Variants in PPFIA2 observed in about 807,000 individuals in gnomAD.
PPFIA2 encodes liprin-alpha-2.
A neutral mutation model predicts 175.5 loss-of-function variants in PPFIA2; 46 were observed. That is an observed-to-expected ratio of 0.26 (90% CI 0.21 to 0.34). PPFIA2 has a LOEUF of 0.34. PPFIA2 is among the 10% of genes least tolerant of loss of function. The pLI, the probability that PPFIA2 is intolerant of heterozygous loss-of-function variation, is 1.00. For synonymous variants in PPFIA2, 568 were observed against 511.4 expected (o/e 1.11, Z -1.49); for missense variants, 1,179 against 1,506.1 (o/e 0.78, Z 3.60).
chr12:81,414,253 G>A (rs7973079), intron 7 of PPFIA2, among the ~76,000 whole-genome samples: 1 of 151,612 alleles, frequency 6.6e-6, no homozygotes, highest in African/African-American at 2.4e-5. Context: ...ATTTATCAAG[G>A]TCAGGACTAC....
At chr12:81,720,588 G>A (rs1320725792) in intron 3 of PPFIA2, among the ~76,000 whole-genome samples, 1 of 151,344 alleles carries the variant, frequency 6.6e-6, no homozygotes, top group Non-Finnish European at 1.5e-5. Context: ...TTCTAGCCAA[G>A]GTATGGCCCT....
In PPFIA2 at chr12:81,605,650, G is replaced by GCTATCTATCTATCTAT. The variant is rs10595723; in HGVS notation, c.303+71125_303+71140dup. On this transcript the variant is annotated intron_variant, in intron 4 of 32. Transcript: ENST00000549396. ...GTCTGTCTATCCATCCATCCATCCA[G>GCTATCTATCTATCTAT]CTATCTATCTATCTATCTATCTATC... Among the ~76,000 whole-genome samples, 61 of 143,898 alleles carry GCTATCTATCTATCTAT rather than the reference G, an allele frequency of 4.2e-4. 1 individual carries two copies. Among genetic ancestry groups the GCTATCTATCTATCTAT allele is most frequent in the South Asian group, 2.9e-3 (13 of 4,476 alleles). The allele number at this position is 143,898 out of a possible 152,430, so 94.4% of individuals were successfully genotyped here. A position where few individuals can be genotyped will look rare whatever the true frequency, so the allele number is the denominator to read the frequency against.
intron 5 of PPFIA2, among the ~76,000 whole-genome samples, chr12:81,450,223 C>T (rs957595643): frequency 6.6e-6 from 1 of 152,170 alleles, no homozygotes; most frequent in African/African-American, 2.4e-5. Context: ...ACACTGTCTT[C>T]CACAACGGTT....
rs528861660 is a variant in PPFIA2, at chr12:81,659,445, C to T, written c.303+17346G>A. The stretch of plus-strand genomic sequence containing the variant: ...CTCGAAGGGTTCTACGCCCATGGAG[C>T]CTTGCTCATTGCTAGCACAGCAGTC... On this transcript the variant is annotated intron_variant, in intron 4 of 32. Coordinates refer to ENST00000549396, the MANE Select transcript of PPFIA2 (RefSeq NM_003625.5). Among the ~76,000 whole-genome samples the T allele has an allele frequency of 9.2e-5, 14 of 152,286 alleles. No homozygotes were observed. In the South Asian group the frequency reaches 2.3e-3, roughly 25 times the overall value.
chr12:81,428,428 CTTTG>C (rs1281594590), intron 7 of PPFIA2, among the ~76,000 whole-genome samples: 1 of 151,860 alleles, frequency 6.6e-6, no homozygotes, highest in Non-Finnish European at 1.5e-5. Flanking sequence ...TACCTATCTT[CTTTG>C]TTGGATTTTA....
chr12:81,660,935 T>C (rs1345488973), intron 4 of PPFIA2, among the ~76,000 whole-genome samples: 3 of 152,090 alleles, frequency 2.0e-5, no homozygotes, highest in Non-Finnish European at 4.4e-5. Flanking sequence ...GAATTTCATA[T>C]CCAGCCAAAC....
chr12:81,523,045 G>A (rs949875746), intron 4 of PPFIA2, among the ~76,000 whole-genome samples: 9 of 152,174 alleles, frequency 5.9e-5, no homozygotes, highest in Non-Finnish European at 5.9e-5. Context: ...GATTACATGA[G>A]ATTGTTTTTT....
At chr12:81,567,533 A>T (rs572435119) in intron 4 of PPFIA2, among the ~76,000 whole-genome samples, 1 of 152,156 alleles carries the variant, frequency 6.6e-6, no homozygotes, top group African/African-American at 2.4e-5. Flanking sequence ...ATTTGACTAA[A>T]CTCCTGACTC....
chr12:81,349,208 T>C (rs1218272253), intron 17 of PPFIA2, among the ~76,000 whole-genome samples: 2 of 152,212 alleles, frequency 1.3e-5, no homozygotes, highest in Non-Finnish European at 2.9e-5. Flanking sequence ...AGTATGTGTT[T>C]GCTGGCCAGG....
At chr12:81,745,813 A>G (rs2082968961) in intron 3 of PPFIA2, among the ~76,000 whole-genome samples, 1 of 152,152 alleles carries the variant, frequency 6.6e-6, no homozygotes, top group Admixed American at 6.5e-5. Flanking sequence ...TAGACTCTAT[A>G]TCCTTTACTC....
At chr12:81,499,353 T>C (rs1186633621) in intron 4 of PPFIA2, among the ~76,000 whole-genome samples, 1 of 152,202 alleles carries the variant, frequency 6.6e-6, no homozygotes, top group Admixed American at 6.5e-5. Context: ...TCTTATTATC[T>C]CTTTCATTTT....
rs34030284 is a variant in PPFIA2 at position 81,497,530 on chromosome 12, C to CTT, written c.304-39666_304-39665dup. On this transcript the variant is annotated intron_variant, in intron 4 of 32. Coordinates refer to ENST00000549396, the MANE Select transcript of PPFIA2 (RefSeq NM_003625.5). ...AGTGACATCCCTATTTCATTGATGT[C>CTT]TTTTTTTTTTTTTTTTTTTTTTTTT... 1.7e-3 allele frequency among the ~76,000 whole-genome samples: 110 copies of CTT among 66,192 alleles called. 4 individuals are homozygous for CTT. The highest frequency in any genetic ancestry group is 2.6e-3 in the Non-Finnish European group (87 of 33,324). The allele number at this position is 66,192 out of a possible 152,430, so 43.4% of individuals were successfully genotyped here.
intron 5 of PPFIA2, among the ~76,000 whole-genome samples, chr12:81,447,533 T>C (rs992440187): frequency 6.6e-6 from 1 of 152,166 alleles, no homozygotes; most frequent in African/African-American, 2.4e-5. Context: ...AACAAGGCAT[T>C]TGCTCACTAC....
chr12:81,368,779 G>T lies in PPFIA2; in HGVS notation c.1428C>A (p.Ser476=). ...TTAAGTGTAGTTGTAGGCGTTCATT[G>T]GATTCAGTCAGAAGTCTATCAACCG... ...SDTVDRLLTE[S]NERLQLHLKE... The change falls in exon 13 of 33, where the codon TCC becomes TCA. Residue 476 remains serine (S), a synonymous_variant. Coordinates refer to ENST00000549396, the MANE Select transcript of PPFIA2 (RefSeq NM_003625.5). 6.2e-7 allele frequency: 1 copy of T among 1,610,724 alleles called. No individual in the cohort carries two copies. Among genetic ancestry groups the T allele is most frequent in the Non-Finnish European group, 8.5e-7 (1 of 1,177,678 alleles).
At chr12:81,655,497 C>T (rs1380201082) in intron 4 of PPFIA2, among the ~76,000 whole-genome samples, 1 of 151,780 alleles carries the variant, frequency 6.6e-6, no homozygotes, top group Non-Finnish European at 1.5e-5. Flanking sequence ...TATGTAGTAT[C>T]TCAAAATGAA....
At chr12:81,442,848 CATATATATATATATATATAT>C (rs35192542) in intron 6 of PPFIA2, among the ~76,000 whole-genome samples, 419 of 14,096 alleles carry the variant, frequency 0.03, 7 homozygotes, top group Non-Finnish European at 0.043. Context: ...TTTCTGACTT[CATATATATATATATATATAT>C]ATATATATAT....
intron 3 of PPFIA2, among the ~76,000 whole-genome samples, chr12:81,706,122 A>G (rs2077104347): frequency 6.6e-6 from 1 of 152,202 alleles, no homozygotes; most frequent in South Asian, 2.1e-4. Context: ...AAGTTTATGA[A>G]ACAAGTTAAT....
At chr12:81,433,075 T>C (rs1349920533) in intron 7 of PPFIA2, among the ~76,000 whole-genome samples, 1 of 152,064 alleles carries the variant, frequency 6.6e-6, no homozygotes, top group Non-Finnish European at 1.5e-5. Flanking sequence ...TGCTTTCTCA[T>C]TTCAGAAAGC....
intron 4 of PPFIA2, among the ~76,000 whole-genome samples, chr12:81,535,105 A>G (rs1453182499): frequency 1.3e-5 from 2 of 151,752 alleles, no homozygotes; most frequent in Admixed American, 6.6e-5. Context: ...ATAATGGTAT[A>G]TACATATATA....
Sources: allele counts gnomAD v4.1 joint callset (sites outside exome capture counted in the v4.1 genomes callset), GRCh38; gene constraint gnomAD v4.1.1; transcripts MANE v1.5; gene names NCBI Gene and HGNC (gene_info 2026-07-23, HGNC 2026-07-21).